GAREM1: variants seen among roughly 807,000 people sequenced by gnomAD.
The protein encoded by GAREM1 is GRB2 associated regulator of MAPK1 subtype 1.
Under a neutral mutation model 71.3 loss-of-function variants are expected in GAREM1, and 26 were observed. The ratio of observed to expected loss-of-function variants is 0.36; its 90% CI spans 0.27 to 0.51. The LOEUF is 0.51. Among genes scored for constraint, GAREM1 ranks in the 20% least tolerant of loss-of-function variants. The probability of loss-of-function intolerance (pLI) is 0.95; values close to 1 mark genes in which losing one functional copy is unlikely to be tolerated. For synonymous variants in GAREM1, 440 were observed against 433.2 expected (o/e 1.02, Z -0.20); for missense variants, 1,026 against 1,103.1 (o/e 0.93, Z 0.99).
intron 2 of GAREM1, among the ~76,000 whole-genome samples, chr18:32,381,867 C>T (rs1300514047): frequency 1.3e-5 from 2 of 152,182 alleles, no homozygotes; most frequent in African/African-American, 2.4e-5. Context: ...AGGAATGGTG[C>T]CTGGTACTTT....
intron 1 of GAREM1, among the ~76,000 whole-genome samples, chr18:32,460,489 C>T (rs1473959106): frequency 2.0e-5 from 3 of 152,140 alleles, no homozygotes; most frequent in Non-Finnish European, 4.4e-5. Context: ...AGCAATTCAT[C>T]CACAGAACTG....
chr18:32,407,392 C>T (rs2048375248), intron 1 of GAREM1, among the ~76,000 whole-genome samples: 1 of 152,166 alleles, frequency 6.6e-6, no homozygotes, highest in African/African-American at 2.4e-5. Flanking sequence ...AAGATCGCAC[C>T]ATTGCACTCC....
chr18:32,406,153 T>C (rs554533866), intron 1 of GAREM1, among the ~76,000 whole-genome samples: 1 of 152,222 alleles, frequency 6.6e-6, no homozygotes. Flanking sequence ...AACTGAGGGA[T>C]ATAATTAAAC....
At chr18:32,359,030 G>A (rs1350739088) in intron 2 of GAREM1, among the ~76,000 whole-genome samples, 1 of 152,182 alleles carries the variant, frequency 6.6e-6, no homozygotes, top group African/African-American at 2.4e-5. Context: ...ATCCTCAGCT[G>A]TGCAGTTTAC....
At chr18:32,398,087 G>A (rs2048275993) in intron 1 of GAREM1, among the ~76,000 whole-genome samples, 1 of 152,214 alleles carries the variant, frequency 6.6e-6, no homozygotes, top group African/African-American at 2.4e-5. Context: ...CAAAATGAAG[G>A]CAGAAATAAA....
At chr18:32,465,206 A>T (rs2048988091) in intron 1 of GAREM1, among the ~76,000 whole-genome samples, 5 of 152,238 alleles carry the variant, frequency 3.3e-5, no homozygotes, top group Admixed American at 3.3e-4. Context: ...ATGAACACCG[A>T]ACATCTTCCA....
chr18:32,405,445 A>C (rs2048356024), intron 1 of GAREM1, among the ~76,000 whole-genome samples: 2 of 151,956 alleles, frequency 1.3e-5, no homozygotes, highest in Non-Finnish European at 2.9e-5. Flanking sequence ...TGATCCACAC[A>C]CCTTGGCCTC....
intron 1 of GAREM1, among the ~76,000 whole-genome samples, chr18:32,420,019 A>C (rs2048505080): frequency 6.6e-6 from 1 of 152,210 alleles, no homozygotes; most frequent in Non-Finnish European, 1.5e-5. Context: ...CACTAGGCCA[A>C]AAGAACACAC....
intron 2 of GAREM1, among the ~76,000 whole-genome samples, chr18:32,352,795 A>G (rs1216346126): frequency 6.6e-6 from 1 of 152,114 alleles, no homozygotes; most frequent in Admixed American, 6.5e-5. Flanking sequence ...TTTAAGGAGG[A>G]TGGGGCTAGA....
At chr18:32,299,960 CTA>C (rs1405123950) in intron 3 of GAREM1, among the ~76,000 whole-genome samples, 1 of 152,138 alleles carries the variant, frequency 6.6e-6, no homozygotes, top group Non-Finnish European at 1.5e-5. Flanking sequence ...TATGGTCTCT[CTA>C]TATAAAGGCA....
chr18:32,357,076 A>G (rs1048324010), intron 2 of GAREM1, among the ~76,000 whole-genome samples: 1 of 152,182 alleles, frequency 6.6e-6, no homozygotes, highest in African/African-American at 2.4e-5. Flanking sequence ...CCTTTCGTAC[A>G]AAGAACTTGT....
intron 2 of GAREM1, among the ~76,000 whole-genome samples, chr18:32,367,954 C>T (rs10502591): frequency 0.061 from 9,349 of 152,252 alleles, 305 homozygotes; most frequent in South Asian, 0.079. Context: ...GACGTTCACT[C>T]CTAAACTAAG....
chr18:32,351,437 A>G (rs193011550), intron 2 of GAREM1, among the ~76,000 whole-genome samples: 1 of 152,272 alleles, frequency 6.6e-6, no homozygotes, highest in East Asian at 1.9e-4. Flanking sequence ...TATAAACAAT[A>G]TATTAATAAA....
chr18:32,381,547 C>T (rs1348508332), intron 2 of GAREM1, among the ~76,000 whole-genome samples: 1 of 152,094 alleles, frequency 6.6e-6, no homozygotes, highest in African/African-American at 2.4e-5. Flanking sequence ...TGAACATCTC[C>T]CTCCCAGCCT....
intron 2 of GAREM1, among the ~76,000 whole-genome samples, chr18:32,337,474 C>T (rs1430907024): frequency 6.6e-6 from 1 of 152,200 alleles, no homozygotes; most frequent in East Asian, 1.9e-4. Flanking sequence ...CTCGGTAATT[C>T]TGTGCGCTAT....
At chr18:32,334,677 T>G (rs2047571975) in intron 2 of GAREM1, among the ~76,000 whole-genome samples, 1 of 152,242 alleles carries the variant, frequency 6.6e-6, no homozygotes, top group Admixed American at 6.5e-5. Flanking sequence ...TTGCTGGTTT[T>G]AAAGGTTTCT....
chr18:32,395,076 T>C (rs1462380575), intron 1 of GAREM1, among the ~76,000 whole-genome samples: 2 of 152,194 alleles, frequency 1.3e-5, no homozygotes, highest in African/African-American at 4.8e-5. Flanking sequence ...TATATTAACC[T>C]TTAAAAGTTA....
rs544531525 is a variant in GAREM1, at chr18:32,327,968, G to GAT, written c.263-17646_263-17645insAT. ...AAGGGCAAGATGCCTCTGATTCACAGTAATATGATTAATAATATGAATATT... is the reference window on the plus strand; with the variant it reads ...AAGGGCAAGATGCCTCTGATTCACAGATTAATATGATTAATAATATGAATATT... On this transcript the variant is annotated intron_variant, in intron 2 of 5. Transcript: ENST00000269209. Among the ~76,000 whole-genome samples, 1,486 of 152,222 alleles carry GAT rather than the reference G, an allele frequency of 9.8e-3. 23 individuals are homozygous for GAT. Among genetic ancestry groups the GAT allele is most frequent in the African/African-American group, 0.033 (1,382 of 41,518 alleles).
intron 1 of GAREM1, among the ~76,000 whole-genome samples, chr18:32,449,444 T>C (rs542082563): frequency 2.6e-5 from 4 of 152,308 alleles, no homozygotes; most frequent in South Asian, 4.1e-4. Flanking sequence ...CCCAGCACTT[T>C]AGGAGGCCGA....
Sources: allele counts gnomAD v4.1 joint callset (sites outside exome capture counted in the v4.1 genomes callset), GRCh38; gene constraint gnomAD v4.1.1; transcripts MANE v1.5; gene names NCBI Gene and HGNC (gene_info 2026-07-23, HGNC 2026-07-21).